Variants in TENM1 observed in about 807,000 individuals in gnomAD.
TENM1 encodes the protein teneurin-1.
A neutral mutation model predicts 174.8 loss-of-function variants in TENM1; 35 were observed. The observed-to-expected ratio is 0.20, with a 90% CI of 0.15 to 0.27. TENM1 has a LOEUF of 0.27. Among genes scored for constraint, TENM1 ranks in the 10% least tolerant of loss-of-function variants. The pLI is 1.00. For missense variants in TENM1, 1,633 were observed against 2,130.1 expected, an observed-to-expected ratio of 0.77 and a Z score of 4.59; for synonymous variants, 781 against 798.7, an observed-to-expected ratio of 0.98 and a Z score of 0.37.
intron 3 of TENM1, among the ~76,000 whole-genome samples, chrX:124,763,412 T>G (rs1392354498): frequency 2.7e-5 from 3 of 111,743 alleles, no homozygotes; most frequent in African/African-American, 9.8e-5. Flanking sequence ...ATTTTTGTAC[T>G]GCTTATTAAG....
chrX:124,483,394 T>C (rs1303007410), intron 21 of TENM1, among the ~76,000 whole-genome samples: 1 of 112,165 alleles, frequency 8.9e-6, no homozygotes, highest in Admixed American at 9.5e-5. Flanking sequence ...CAATCTTGTC[T>C]TGTTCATCTC....
intron 18 of TENM1, among the ~76,000 whole-genome samples, chrX:124,513,317 T>C (rs1345761173): frequency 9.0e-6 from 1 of 111,422 alleles, no homozygotes; most frequent in East Asian, 2.8e-4. Context: ...TCTTCCATAG[T>C]TATATCCTCA....
chrX:124,457,008 C>A (rs772984175), intron 22 of TENM1, among the ~76,000 whole-genome samples: 39 of 111,970 alleles, frequency 3.5e-4, no homozygotes, highest in African/African-American at 1.3e-3. Context: ...AACCGGAATT[C>A]ATTTTTGTTT....
chrX:124,776,700 C>T (rs2054792914), intron 3 of TENM1, among the ~76,000 whole-genome samples: 1 of 110,679 alleles, frequency 9.0e-6, no homozygotes, highest in Non-Finnish European at 1.9e-5. Context: ...AAAATAAAGG[C>T]CAAAAGAAGT....
At chrX:124,397,264 G>T (rs1275769488) in intron 27 of TENM1, among the ~76,000 whole-genome samples, 1 of 112,318 alleles carries the variant, frequency 8.9e-6, no homozygotes, top group Non-Finnish European at 1.9e-5. Context: ...TGATTTGAAA[G>T]TCGTTCAGTT....
intron 4 of TENM1, among the ~76,000 whole-genome samples, chrX:124,720,891 A>T (rs768488201): frequency 9.0e-6 from 1 of 111,576 alleles, no homozygotes; most frequent in African/African-American, 3.3e-5. Flanking sequence ...GCTCAACTTA[A>T]ATCTATCTCA....
chrX:125,131,182 T>C, the TENM1 span, among the ~76,000 whole-genome samples: 405 of 112,414 alleles, frequency 3.6e-3, 3 homozygotes, highest in African/African-American at 0.012. Flanking sequence ...AATCCTAAGC[T>C]ACTGTGGTTA....
chrX:124,989,357 A>T, the TENM1 span, among the ~76,000 whole-genome samples: 2 of 112,032 alleles, frequency 1.8e-5, no homozygotes, highest in African/African-American at 3.2e-5. Flanking sequence ...ATGCTAAAAA[A>T]TATGAAATAT....
At chrX:124,821,653 A>G (rs974999214) in intron 3 of TENM1, among the ~76,000 whole-genome samples, 1 of 112,263 alleles carries the variant, frequency 8.9e-6, no homozygotes, top group Non-Finnish European at 1.9e-5. Flanking sequence ...ATTCTTCAGA[A>G]GAGCAGAGAA....
At chrX:124,569,860 T>G (rs1262489469) in intron 11 of TENM1, among the ~76,000 whole-genome samples, 1 of 109,864 alleles carries the variant, frequency 9.1e-6, no homozygotes, top group Non-Finnish European at 1.9e-5. Context: ...AGGAAGAAAA[T>G]GCTAATTATA....
At chrX:124,395,833 T>C (rs1035184380) in intron 27 of TENM1, among the ~76,000 whole-genome samples, 4 of 112,174 alleles carry the variant, frequency 3.6e-5, no homozygotes, top group African/African-American at 1.3e-4. Flanking sequence ...ATCCATGTAC[T>C]CCCAGAGATG....
chrX:124,588,049 G>A (rs2049596868), intron 11 of TENM1, among the ~76,000 whole-genome samples: 1 of 111,992 alleles, frequency 8.9e-6, no homozygotes, highest in African/African-American at 3.2e-5. Flanking sequence ...AACCGGTGTT[G>A]GAGAGGATGT....
rs758947286 is a variant in TENM1, at chrX:124,713,962, ATATTT to A, written c.777-8716_777-8712del. 2.4e-4 allele frequency among the ~76,000 whole-genome samples: 27 copies of A among 112,417 alleles called. No individual in the cohort carries two copies. In the South Asian group the frequency reaches 9.6e-3, roughly 40 times the overall value. ...TTCACATTTCATGTCTTCTTGTGAG[ATATTT>A]TAGTCATGAAAGAATTACTATTAAT... is the stretch of plus-strand genomic sequence containing the variant. On this transcript the variant is annotated intron_variant, in intron 4 of 31. Transcript: ENST00000422452.
At chrX:124,975,729 A>T in the TENM1 span, among the ~76,000 whole-genome samples, 1 of 111,982 alleles carries the variant, frequency 8.9e-6, no homozygotes, top group Non-Finnish European at 1.9e-5. Flanking sequence ...TATTCAACAA[A>T]GATACACACC....
intron 23 of TENM1, among the ~76,000 whole-genome samples, chrX:124,423,997 G>A (rs959671940): frequency 8.9e-6 from 1 of 112,060 alleles, no homozygotes; most frequent in African/African-American, 3.2e-5. Flanking sequence ...GAATGCTTAC[G>A]CACAGAGGGA....
At chrX:125,091,830 A>G in the TENM1 span, among the ~76,000 whole-genome samples, 1 of 108,314 alleles carries the variant, frequency 9.2e-6, no homozygotes, top group Non-Finnish European at 1.9e-5. Flanking sequence ...TACTAAAAAT[A>G]CAAAATTAGC....
At chrX:124,621,054 T>C (rs1315393866) in intron 11 of TENM1, among the ~76,000 whole-genome samples, 3 of 112,202 alleles carry the variant, frequency 2.7e-5, no homozygotes, top group Non-Finnish European at 3.8e-5. Context: ...GTTCAATCCA[T>C]GTAATAGAGA....
chrX:125,119,410 AT>A, the TENM1 span, among the ~76,000 whole-genome samples: 2 of 106,999 alleles, frequency 1.9e-5, no homozygotes, highest in Non-Finnish European at 3.8e-5. Context: ...AATGTGCACT[AT>A]TTTGGGACCT....
intron 1 of TENM1, among the ~76,000 whole-genome samples, chrX:124,918,336 C>T (rs933938336): frequency 1.8e-5 from 2 of 110,291 alleles, no homozygotes; most frequent in Admixed American, 9.7e-5. Context: ...CGTGCCACCA[C>T]GTCTGGCTAA....
Sources: allele counts gnomAD v4.1 joint callset (sites outside exome capture counted in the v4.1 genomes callset), GRCh38; gene constraint gnomAD v4.1.1; transcripts MANE v1.5; gene names NCBI Gene and HGNC (gene_info 2026-07-23, HGNC 2026-07-21).